The following KLHL25 variants were observed in gnomAD, a reference collection of about 807,000 sequenced individuals.
KLHL25 encodes kelch like family member 25, also known as kelch-like protein 25.
In KLHL25, 41 loss-of-function variants were observed where a neutral mutation model predicts 30.0. The observed-to-expected ratio is 1.37, with a 90% confidence interval of 1.07 to 1.78. The LOEUF is 1.78. Among genes scored for constraint, KLHL25 ranks in the 40% most tolerant of loss-of-function variants. The pLI is 0.00. For missense variants in KLHL25, 971 were observed against 824.5 expected (o/e 1.18, Z -2.18); for synonymous variants, 399 against 355.3 (o/e 1.12, Z -1.38).
intron 2 of KLHL25, among the ~76,000 whole-genome samples, chr15:85,766,061 G>A (rs2089622668): frequency 6.6e-6 from 1 of 152,170 alleles, no homozygotes; most frequent in South Asian, 2.1e-4. Flanking sequence ...AGCTAAGAAT[G>A]ACTGCCTTCA....
intron 1 of KLHL25, among the ~76,000 whole-genome samples, chr15:85,777,958 A>G (rs2089720253): frequency 6.6e-6 from 1 of 152,250 alleles, no homozygotes; most frequent in Admixed American, 6.5e-5. Flanking sequence ...TTTAATCCTC[A>G]CAACCAAGCT....
At position 85,768,551 on chromosome 15, in the gene KLHL25, C is replaced by T; in HGVS notation, c.1260G>A (p.Gly420=). Residue 420 remains glycine, a synonymous_variant, in exon 2 of 3, where the codon GGG becomes GGA. Transcript: ENST00000337975. The stretch of plus-strand genomic sequence containing the variant: ...GGGCCACCATCATCCACTTGTTGGC[C>T]CCAGGGTCGTATTTCTCCACTTGTT... ...SLKQVEKYDP[G]ANKWMMVAPL... The T allele has an allele frequency of 1.2e-6, 2 of 1,613,450 alleles. No homozygotes were observed. Among genetic ancestry groups the T allele is most frequent in the Non-Finnish European group, 1.7e-6 (2 of 1,179,698 alleles).
intron 1 of KLHL25, among the ~76,000 whole-genome samples, chr15:85,790,930 G>C (rs1404983751): frequency 6.6e-6 from 1 of 151,680 alleles, no homozygotes; most frequent in Non-Finnish European, 1.5e-5. Flanking sequence ...GGCCAGGTGC[G>C]GTGGCTCACA....
At chr15:85,788,152 C>G (rs951877534) in intron 1 of KLHL25, among the ~76,000 whole-genome samples, 1 of 151,898 alleles carries the variant, frequency 6.6e-6, no homozygotes, top group African/African-American at 2.4e-5. Flanking sequence ...TCCTCAGTCT[C>G]TCCCTGCACC....
At chr15:85,762,517 C>T (rs1181539315) in intron 2 of KLHL25, 1 of 152,430 alleles carries the variant, frequency 6.6e-6, no homozygotes, top group Non-Finnish European at 1.5e-5. Context: ...GGCCTGGCCT[C>T]AACTGTGAAA....
At position 85,789,414 on chromosome 15, in the gene KLHL25, T is replaced by C. The variant is rs1370060953; in HGVS notation, c.-11+5352A>G. ...TTTTTTTTTTTTGACAGAATTTTAC[T>C]CTGTTGCCCAGGCTGCAGTGCCATG... is the stretch of plus-strand genomic sequence containing the variant. On this transcript the variant is annotated intron_variant, in intron 1 of 2. Transcript: ENST00000337975. The surrounding 1 kb of genome is among the most constrained non-coding windows in gnomAD (Gnocchi z 4.1). Among the ~76,000 whole-genome samples the C allele has an allele frequency of 6.6e-6, 1 of 151,536 alleles. No homozygotes were observed. Among genetic ancestry groups the C allele is most frequent in the East Asian group, 1.9e-4 (1 of 5,142 alleles).
chr15:85,767,072 CCT>C (rs2151805625), intron 2 of KLHL25, among the ~76,000 whole-genome samples: 1 of 151,278 alleles, frequency 6.6e-6, no homozygotes, highest in South Asian at 2.1e-4. Flanking sequence ...CTCACTGCAG[CCT>C]CTGTCTCCCA....
At chr15:85,793,952 T>G (rs2089833717) in intron 1 of KLHL25, among the ~76,000 whole-genome samples, 1 of 152,232 alleles carries the variant, frequency 6.6e-6, no homozygotes, top group Admixed American at 6.5e-5. Flanking sequence ...GGGAATGCAC[T>G]TTGGGGGCTT....
chr15:85,762,745 C>T (rs2089591696), intron 2 of KLHL25: 1 of 152,338 alleles, frequency 6.6e-6, no homozygotes, highest in African/African-American at 2.4e-5. Flanking sequence ...GGACTCCGTC[C>T]TGGGCACTTG....
chr15:85,769,538 G>A lies in KLHL25; in HGVS notation c.273C>T (p.Asp91=). Residue 91 remains aspartate, a synonymous_variant, in exon 2 of 3, where the codon GAC becomes GAT. Transcript: ENST00000337975. ...GCTCCAGCACCTCCGGGTGCAGGTT[G>A]TCCTGGAAGTTGACAGTGTCATCCC... is the stretch of plus-strand genomic sequence containing the variant. ...ESRDDTVNFQ[D]NLHPEVLELL... 1 of 1,613,928 alleles carries A rather than the reference G, an allele frequency of 6.2e-7. No homozygotes were observed.
Position 85,769,588 on chromosome 15 carries a change from A to C in KLHL25, c.223T>G (p.Phe75Val), listed in dbSNP as rs1365586144. Residue 75 changes from phenylalanine (F) to valine (V), a missense_variant, in exon 2 of 3, where the codon TTC becomes GTC. By Grantham distance (50) the Phe-to-Val change is conservative. Transcript: ENST00000337975. Reference protein sequence around the residue: ...AASSRYFEAMFSHGLRESRDD... With the variant: ...AASSRYFEAMVSHGLRESRDD... ...CGGCTCTCCCGAAGGCCATGGCTGA[A>C]CATGGCCTCAAAATAGCGGCTAGAG... 2.5e-6 allele frequency: 4 copies of C among 1,613,664 alleles called. No homozygotes were observed. The highest frequency in any genetic ancestry group is 1.3e-5 in the African/African-American group (1 of 74,936).
intron 1 of KLHL25, among the ~76,000 whole-genome samples, chr15:85,778,504 G>C (rs146761246): frequency 8.5e-5 from 13 of 152,330 alleles, no homozygotes; most frequent in African/African-American, 3.1e-4. Flanking sequence ...CTCAGCCTTA[G>C]GTATAACCAT....
intron 1 of KLHL25, among the ~76,000 whole-genome samples, chr15:85,780,533 T>C (rs1198998310): frequency 6.6e-6 from 1 of 152,158 alleles, no homozygotes; most frequent in Non-Finnish European, 1.5e-5. Context: ...TAGATATCAC[T>C]TTCAATGAAC....
chr15:85,783,938 G>C (rs1310797144), intron 1 of KLHL25, among the ~76,000 whole-genome samples: 2 of 152,060 alleles, frequency 1.3e-5, no homozygotes, highest in Non-Finnish European at 2.9e-5. Flanking sequence ...GAAAAACAGG[G>C]GTGACAATAA....
rs780894910 is a variant in KLHL25, at chr15:85,768,191, G to A, written c.1620C>T (p.Leu540=). Residue 540 remains leucine, a synonymous_variant, in exon 2 of 3, where the codon CTC becomes CTT. Coordinates refer to ENST00000337975, the MANE Select transcript of KLHL25 (RefSeq NM_022480.4). ...SCHALASGNK[L]YVVGGYFGTQ... is the part of the protein sequence containing the mutation. ...TCCCAAAGTAGCCCCCGACCACATA[G>A]AGCTTGTTGCCGGAAGCCAGGGCAT... 8.2e-5 allele frequency: 132 copies of A among 1,614,100 alleles called. No homozygotes were observed. The highest frequency in any genetic ancestry group is 1.1e-4 in the Non-Finnish European group (129 of 1,180,046).
In KLHL25 at chr15:85,789,325, A is replaced by T. The variant is rs748107214; in HGVS notation, c.-11+5441T>A. ...GCTTCCCCGTGGGAGGAGCCATCCAACTGGTCTTGCAGGCTGGTGCTCAGT... is the reference window on the plus strand; with the variant it reads ...GCTTCCCCGTGGGAGGAGCCATCCATCTGGTCTTGCAGGCTGGTGCTCAGT... On this transcript the variant is annotated intron_variant, in intron 1 of 2. Coordinates refer to ENST00000337975, the MANE Select transcript of KLHL25 (RefSeq NM_022480.4). This position sits in a 1 kb window ranked among gnomAD's most constrained non-coding sequence, Gnocchi z 4.1. Among the ~76,000 whole-genome samples, 1 of 151,208 alleles carries T rather than the reference A, an allele frequency of 6.6e-6. No homozygotes were observed. The highest frequency in any genetic ancestry group is 2.4e-5 in the African/African-American group (1 of 41,144).
chr15:85,777,485 C>G (rs35857947), intron 1 of KLHL25, among the ~76,000 whole-genome samples: 2 of 152,226 alleles, frequency 1.3e-5, no homozygotes, highest in African/African-American at 4.8e-5. Flanking sequence ...CAGCCAAAGC[C>G]TGGAAAGCGA....
Position 85,768,693 on chromosome 15 carries a change from G to A in KLHL25, c.1118C>T (p.Pro373Leu). The change falls in exon 2 of 3, where the codon CCC becomes CTC. Residue 373 changes from proline to leucine, a missense_variant. Pro to Leu is a moderately conservative substitution (Grantham distance 98). Transcript: ENST00000337975. ...ATGGCCAAAGCGGGCAATCAGCATG[G>A]GCGCCGCCTTGGACCATTCCTCATG... ...TVHEEWSKAAPMLIARFGHGS... is the reference protein window; with the variant it reads ...TVHEEWSKAALMLIARFGHGS... 6.2e-7 allele frequency: 1 copy of A among 1,613,414 alleles called. No homozygotes were observed. Among genetic ancestry groups the A allele is most frequent in the Non-Finnish European group, 8.5e-7 (1 of 1,179,782 alleles).
In KLHL25 at chr15:85,789,092, GCCTCTCCTTGGGGGCCCAATGGGAA is replaced by G. The variant is rs2089799596; in HGVS notation, c.-11+5649_-11+5673del. On this transcript the variant is annotated intron_variant, in intron 1 of 2. Transcript: ENST00000337975. This position sits in a 1 kb window ranked among gnomAD's most constrained non-coding sequence, Gnocchi z 4.1. Reference sequence around the variant, plus strand: ...CTCAGCCTAGATGGATCTGTGGTCAGCCTCTCCTTGGGGGCCCAATGGGAACAGGCAAAAAATGTAAGCAAGGCTT... The same window carrying G: ...CTCAGCCTAGATGGATCTGTGGTCAGCAGGCAAAAAATGTAAGCAAGGCTT... 6.6e-6 allele frequency among the ~76,000 whole-genome samples: 1 copy of G among 152,210 alleles called. No homozygotes were observed. Among genetic ancestry groups the G allele is most frequent in the African/African-American group, 2.4e-5 (1 of 41,460 alleles).
Sources: allele counts gnomAD v4.1 joint callset (sites outside exome capture counted in the v4.1 genomes callset), GRCh38; gene constraint gnomAD v4.1.1; non-coding constraint Gnocchi (gnomAD v3.1); transcripts MANE v1.5; gene names NCBI Gene and HGNC (gene_info 2026-07-23, HGNC 2026-07-21).